The following NUAK2 variants were observed in gnomAD, a reference collection of about 807,000 sequenced individuals.
NUAK2 encodes the protein NUAK family SNF1-like kinase 2.
Under a neutral mutation model 29.8 loss-of-function variants are expected in NUAK2, and 20 were observed. The ratio of observed to expected loss-of-function variants is 0.67; its 90% CI spans 0.47 to 0.98. The LOEUF is 0.98. Ranked by LOEUF, NUAK2 falls within the 50% of genes least tolerant of loss-of-function variation. The pLI is 0.00. For synonymous variants in NUAK2, 331 were observed against 342.6 expected (o/e 0.97, Z 0.37); for missense variants, 719 against 834.5 (o/e 0.86, Z 1.71).
rs1389382382 is a variant in NUAK2, at chr1:205,303,043, C to G, written c.*407G>C. On this transcript the variant is annotated 3_prime_UTR_variant, in exon 7 of 7. Coordinates refer to ENST00000367157, the MANE Select transcript of NUAK2 (RefSeq NM_030952.3). ...ATGTGTGTGTAAAGAGGTCTGGCCCCACTTGGGCAGGGAATGAGTAGGGAA... is the reference window on the plus strand; with the variant it reads ...ATGTGTGTGTAAAGAGGTCTGGCCCGACTTGGGCAGGGAATGAGTAGGGAA... 1 of 156,978 alleles carries G rather than the reference C, an allele frequency of 6.4e-6. No homozygotes were observed. The highest frequency in any genetic ancestry group is 2.4e-5 in the African/African-American group (1 of 41,632). The allele number at this position is 156,978 out of a possible 1,614,324, so 9.7% of individuals were successfully genotyped here.
chr1:205,306,960 T>G (rs377550463), intron 4 of NUAK2, among the ~76,000 whole-genome samples: 93 of 152,316 alleles, frequency 6.1e-4, no homozygotes, highest in African/African-American at 2.2e-3. Flanking sequence ...GGGCAAGAAC[T>G]TGGTGGCAGG....
chr1:205,313,803 G>A (rs1558675420), intron 1 of NUAK2, among the ~76,000 whole-genome samples: 1 of 152,108 alleles, frequency 6.6e-6, no homozygotes, highest in Non-Finnish European at 1.5e-5. Context: ...CTGGGTGGGG[G>A]TGGGGTGTCA....
At chr1:205,311,595 A>ATT in intron 2 of NUAK2, 110 bp downstream of exon 2, 1 of 1,411,984 alleles carries the variant, frequency 7.1e-7, no homozygotes, top group Non-Finnish European at 9.8e-7. Flanking sequence ...TAGAGCCTAT[A>ATT]TTTTTTTTAC....
chr1:205,308,681 C>G lies in NUAK2; in HGVS notation c.404G>C (p.Gly135Ala), dbSNP rs371333792. The G allele has an allele frequency of 6.2e-7, 1 of 1,614,112 alleles. No homozygotes were observed. Reference protein sequence around the residue: ...IVIVMEYASRGDLYDYISERQ... With the variant: ...IVIVMEYASRADLYDYISERQ... ...CTCGCTGATGTAGTCATAAAGGTCG[C>G]CCCGGCTGGCATACTCCATGACGAT... is the stretch of plus-strand genomic sequence containing the variant. The change falls in exon 3 of 7, where the codon GGC (glycine) becomes GCC (alanine). Residue 135 changes from glycine (G) to alanine (A), a missense_variant. This residue lies in a region of NUAK2 where 283 missense variants were observed against 345.6 expected (regional missense o/e 0.82). Coordinates refer to ENST00000367157, the MANE Select transcript of NUAK2 (RefSeq NM_030952.3). This position sits in a 1 kb window ranked among gnomAD's most constrained non-coding sequence, Gnocchi z 4.1.
At chr1:205,317,488 G>C (rs565118469) in intron 1 of NUAK2, among the ~76,000 whole-genome samples, 1 of 152,154 alleles carries the variant, frequency 6.6e-6, no homozygotes, top group Admixed American at 6.5e-5. Context: ...GGGGTGGCTC[G>C]CCATCCCACC....
intron 5 of NUAK2, 116 bp downstream of exon 5, chr1:205,306,072 C>CT: frequency 1.4e-6 from 2 of 1,402,980 alleles, no homozygotes; most frequent in Non-Finnish European, 1.9e-6. Context: ...TTTTGGGAGG[C>CT]TTGAGAGTTG....
intron 4 of NUAK2, among the ~76,000 whole-genome samples, chr1:205,307,810 C>T (rs78124049): frequency 0.035 from 5,278 of 152,274 alleles, 129 homozygotes; most frequent in South Asian, 0.094. Context: ...GAACTCAGGC[C>T]GGGCCTGTCC....
At chr1:205,310,487 T>C (rs994866197) in intron 2 of NUAK2, among the ~76,000 whole-genome samples, 4 of 152,182 alleles carry the variant, frequency 2.6e-5, no homozygotes, top group Admixed American at 6.5e-5. Flanking sequence ...CTTATGTCTG[T>C]TGAATCTGAA....
chr1:205,305,436 C>T, intron 5 of NUAK2, 105 bp from the exon 6 acceptor site: 1 of 1,473,094 alleles, frequency 6.8e-7, no homozygotes, highest in East Asian at 2.4e-5. Context: ...CCCACCTCTC[C>T]TACCCAGGGG....
chr1:205,320,973 T>G (rs1241237652), intron 1 of NUAK2, among the ~76,000 whole-genome samples: 2 of 152,178 alleles, frequency 1.3e-5, no homozygotes, highest in African/African-American at 4.8e-5. Context: ...ATCCATTCAT[T>G]CAACCACACA....
chr1:205,311,665 A>C, intron 2 of NUAK2, 40 bp downstream of exon 2: 1 of 1,613,024 alleles, frequency 6.2e-7, no homozygotes, highest in Non-Finnish European at 8.5e-7. Flanking sequence ...ACATGCACAC[A>C]CATAGACCCC....
At position 205,308,289 on chromosome 1, in the gene NUAK2, G is replaced by A. The variant is rs1050355969; in HGVS notation, c.505-59C>T. On this transcript the variant is annotated intron_variant, in intron 3 of 6. Coordinates refer to ENST00000367157, the MANE Select transcript of NUAK2 (RefSeq NM_030952.3). This position sits in a 1 kb window ranked among gnomAD's most constrained non-coding sequence, Gnocchi z 4.1. ...ACCAGGGAAGGGAAGATGATGAGGG[G>A]CCCAGTCTGGAGACTGAGGTAAACA... 3.1e-6 allele frequency: 4 copies of A among 1,296,246 alleles called. No homozygotes were observed. The South Asian group carries it at 5.5e-5, about 18-fold the overall frequency. The allele number at this position is 1,296,246 out of a possible 1,614,324, so 80.3% of individuals were successfully genotyped here. A position where few individuals can be genotyped will look rare whatever the true frequency, so the allele number is the denominator to read the frequency against.
rs765590770 is a variant in NUAK2 at position 205,303,704 on chromosome 1, C to A, written c.1633G>T (p.Glu545Ter). The stretch of plus-strand genomic sequence containing the variant: ...GACTCAGAGGACAGGATGCTGTCCT[C>A]GCTCACAGCCCCTGAGGGTCGGCTG... ...RASRPSGAVS[E>*]DSILSSESFD... Residue 545 changes from glutamate to a stop codon, truncating the protein, a stop_gained, in exon 7 of 7, where the codon GAG (glutamate) becomes TAG (stop). Coordinates refer to ENST00000367157, the MANE Select transcript of NUAK2 (RefSeq NM_030952.3). LOFTEE classifies it low-confidence loss of function (END_TRUNC). 6.5e-7 allele frequency: 1 copy of A among 1,540,414 alleles called. No homozygotes were observed. The highest frequency in any genetic ancestry group is 1.4e-5 in the African/African-American group (1 of 72,514).
chr1:205,311,793 G>A lies in NUAK2; in HGVS notation c.264C>T (p.Ile88=). 1 of 1,614,092 alleles carries A rather than the reference G, an allele frequency of 6.2e-7. No individual in the cohort carries two copies. The highest frequency in any genetic ancestry group is 8.5e-7 in the Non-Finnish European group (1 of 1,180,006). ...VAIKSIRKDK[I]KDEQDLMHIR... ...TGTGCATCAGATCTTGCTCATCTTT[G>A]ATTTTGTCCTTCCGGATTGACTTGA... The change falls in exon 2 of 7, where the codon ATC becomes ATT. Residue 88 remains isoleucine (I), a synonymous_variant. Coordinates refer to ENST00000367157, the MANE Select transcript of NUAK2 (RefSeq NM_030952.3).
In NUAK2 at chr1:205,304,154, T is replaced by C. The variant is rs1249659636; in HGVS notation, c.1183A>G (p.Thr395Ala). The change falls in exon 7 of 7, where the codon ACT (threonine) becomes GCT (alanine). Residue 395 changes from threonine to alanine, a missense_variant. This residue lies in a region of NUAK2 where 430 missense variants were observed against 465.7 expected (regional missense o/e 0.92). Coordinates refer to ENST00000367157, the MANE Select transcript of NUAK2 (RefSeq NM_030952.3). The surrounding 1 kb of genome is among the most constrained non-coding windows in gnomAD (Gnocchi z 6.5). ...QSLHSDTADDTAHRPGKSNLK... is the reference protein window; with the variant it reads ...QSLHSDTADDAAHRPGKSNLK... Reference sequence around the variant, plus strand: ...TTGCTCTTGCCAGGGCGATGGGCAGTGTCATCAGCCGTGTCACTGTGGAGA... The same window carrying C: ...TTGCTCTTGCCAGGGCGATGGGCAGCGTCATCAGCCGTGTCACTGTGGAGA... 1 of 1,614,192 alleles carries C rather than the reference T, an allele frequency of 6.2e-7. No homozygotes were observed. The highest frequency in any genetic ancestry group is 8.5e-7 in the Non-Finnish European group (1 of 1,180,020).
chr1:205,321,439 A>G lies in NUAK2; in HGVS notation c.190T>C (p.Tyr64His). The change falls in exon 1 of 7, where the codon TAC becomes CAC. Residue 64 changes from tyrosine to histidine, a missense_variant. By Grantham distance (83) the Tyr-to-His change is moderately conservative. Around this residue, in one of 3 missense-constraint regions of NUAK2, gnomAD observed 283 missense variants for 345.6 expected, o/e 0.82. Transcript: ENST00000367157. ...EFLETLGKGTYGKVKKARESS... is the reference protein window; with the variant it reads ...EFLETLGKGTHGKVKKARESS... ...TCCCGCGCCTTCTTCACCTTCCCGT[A>G]GGTGCCTTTGCCCAGGGTCTCCAGG... 3.7e-6 allele frequency: 6 copies of G among 1,613,946 alleles called. No homozygotes were observed. Among genetic ancestry groups the G allele is most frequent in the Non-Finnish European group, 5.1e-6 (6 of 1,179,866 alleles).
At chr1:205,316,435 G>T (rs1662330354) in intron 1 of NUAK2, among the ~76,000 whole-genome samples, 1 of 152,112 alleles carries the variant, frequency 6.6e-6, no homozygotes, top group South Asian at 2.1e-4. Context: ...CTGCAGAGAG[G>T]CTCCAAGAGC....
At chr1:205,314,557 C>T (rs1474673222) in intron 1 of NUAK2, among the ~76,000 whole-genome samples, 1 of 152,226 alleles carries the variant, frequency 6.6e-6, no homozygotes, top group Non-Finnish European at 1.5e-5. Context: ...CTTGGAGTAT[C>T]ATTCCCACAC....
intron 1 of NUAK2, among the ~76,000 whole-genome samples, chr1:205,321,189 G>T: frequency 6.6e-6 from 1 of 152,156 alleles, no homozygotes; most frequent in Middle Eastern, 3.2e-3. Context: ...TTGCTGGCTG[G>T]GGTTCGCAAG....
Sources: gnomAD v4.1 joint callset for allele counts (sites outside exome capture counted in the v4.1 genomes callset) on GRCh38, gnomAD v4.1.1 for gene constraint, gnomAD v4.1.1 regional missense constraint, Gnocchi (gnomAD v3.1) non-coding constraint, MANE v1.5 for transcripts, NCBI Gene and HGNC (gene_info 2026-07-23, HGNC 2026-07-21) for gene names.